Variants in PRKACB observed in about 807,000 individuals in gnomAD.
PRKACB encodes cAMP-dependent protein kinase catalytic subunit beta.
In PRKACB, 16 loss-of-function variants were observed where a neutral mutation model predicts 51.4. The ratio of observed to expected loss-of-function variants is 0.31; its 90% CI spans 0.21 to 0.47. PRKACB has a LOEUF of 0.47. Among genes scored for constraint, PRKACB ranks in the 20% least tolerant of loss-of-function variants. The probability of loss-of-function intolerance (pLI) is 1.00; values close to 1 mark genes in which losing one functional copy is unlikely to be tolerated. For synonymous variants in PRKACB, 147 were observed against 154.4 expected (o/e 0.95, Z 0.35); for missense variants, 309 against 464.5 (o/e 0.67, Z 3.08).
intron 5 of PRKACB, among the ~76,000 whole-genome samples, chr1:84,192,248 A>G (rs1667017554): frequency 6.6e-6 from 1 of 152,162 alleles, no homozygotes; most frequent in African/African-American, 2.4e-5. Flanking sequence ...TCAGTTAGCA[A>G]TATACTGGAA....
At chr1:84,078,560 A>G (rs886212144) in intron 1 of PRKACB, among the ~76,000 whole-genome samples, 1 of 152,096 alleles carries the variant, frequency 6.6e-6, no homozygotes, top group African/African-American at 2.4e-5. Flanking sequence ...CCGCGTTGAG[A>G]GCTGAACGCG....
intron 9 of PRKACB, among the ~76,000 whole-genome samples, chr1:84,227,222 A>G (rs1674762244): frequency 6.6e-6 from 1 of 152,064 alleles, no homozygotes; most frequent in Admixed American, 6.5e-5. Flanking sequence ...GAGTCATCTT[A>G]TATCTATTCC....
At chr1:84,100,328 TCAAGA>T (rs1649254033) in intron 1 of PRKACB, among the ~76,000 whole-genome samples, 2 of 152,032 alleles carry the variant, frequency 1.3e-5, no homozygotes, top group African/African-American at 4.8e-5. Flanking sequence ...GCAATACAAT[TCAAGA>T]CAAGATTTGA....
At chr1:84,086,335 C>T in intron 1 of PRKACB, 1 of 732,626 alleles carries the variant, frequency 1.4e-6, no homozygotes, top group Non-Finnish European at 2.3e-6. Context: ...GCCCAGGCTC[C>T]AGCCATGAGT....
intron 1 of PRKACB, among the ~76,000 whole-genome samples, chr1:84,168,487 G>T (rs1352375016): frequency 6.6e-6 from 1 of 151,430 alleles, no homozygotes; most frequent in Non-Finnish European, 1.5e-5. Context: ...GAAGAAGAAG[G>T]CATGAATCTG....
intron 1 of PRKACB, among the ~76,000 whole-genome samples, chr1:84,091,785 G>A (rs764623319): frequency 2.0e-5 from 3 of 152,102 alleles, no homozygotes; most frequent in Admixed American, 6.5e-5. Context: ...GATTACAGGC[G>A]TAAGCCACCA....
chr1:84,161,806 T>G (rs544557694), intron 1 of PRKACB, among the ~76,000 whole-genome samples: 6 of 152,004 alleles, frequency 3.9e-5, no homozygotes, highest in Non-Finnish European at 8.8e-5. Context: ...CAACATAATG[T>G]TGTAATTATT....
At chr1:84,200,666 T>C (rs1260455269) in intron 7 of PRKACB, among the ~76,000 whole-genome samples, 1 of 152,142 alleles carries the variant, frequency 6.6e-6, no homozygotes, top group African/African-American at 2.4e-5. Flanking sequence ...TTGTATATGG[T>C]ATAAGGAAGG....
intron 1 of PRKACB, among the ~76,000 whole-genome samples, chr1:84,167,490 A>G (rs1412183832): frequency 6.6e-6 from 1 of 151,568 alleles, no homozygotes; most frequent in African/African-American, 2.4e-5. Context: ...GACCCTGTGG[A>G]ATTAGGTGAT....
At chr1:84,121,045 ATG>A (rs1199620242) in intron 1 of PRKACB, among the ~76,000 whole-genome samples, 1 of 152,050 alleles carries the variant, frequency 6.6e-6, no homozygotes. Flanking sequence ...CACGAGTTTT[ATG>A]TATCTTTGTT....
intron 1 of PRKACB, among the ~76,000 whole-genome samples, chr1:84,163,228 C>T (rs1242424772): frequency 6.6e-6 from 1 of 151,984 alleles, no homozygotes; most frequent in African/African-American, 2.4e-5. Flanking sequence ...TAACTTTCCA[C>T]TGGGCCCTCT....
intron 1 of PRKACB, among the ~76,000 whole-genome samples, chr1:84,079,180 T>A (rs1647329981): frequency 1.3e-5 from 2 of 152,204 alleles, no homozygotes; most frequent in African/African-American, 4.8e-5. Flanking sequence ...TGTGCATGTA[T>A]ACACATGCAT....
At chr1:84,134,115 G>A (rs1018275113) in intron 1 of PRKACB, among the ~76,000 whole-genome samples, 2 of 152,156 alleles carry the variant, frequency 1.3e-5, no homozygotes, top group Non-Finnish European at 2.9e-5. Flanking sequence ...CCACTGTCAA[G>A]CCATTCCTCT....
intron 1 of PRKACB, among the ~76,000 whole-genome samples, chr1:84,152,029 T>C (rs1236942533): frequency 6.6e-6 from 1 of 152,224 alleles, no homozygotes; most frequent in Non-Finnish European, 1.5e-5. Context: ...CCTTTAGCCT[T>C]ATAAAATATA....
chr1:84,120,634 A>C (rs997160113), intron 1 of PRKACB, among the ~76,000 whole-genome samples: 1 of 152,144 alleles, frequency 6.6e-6, no homozygotes. Context: ...TTTTCACTTC[A>C]TATGTTTACA....
At chr1:84,109,597 G>A (rs1650052784) in intron 1 of PRKACB, among the ~76,000 whole-genome samples, 1 of 151,844 alleles carries the variant, frequency 6.6e-6, no homozygotes, top group Non-Finnish European at 1.5e-5. Context: ...TCTTGTGATA[G>A]ATGTTCCCAT....
At chr1:84,229,561 G>C (rs1256927254) in intron 9 of PRKACB, among the ~76,000 whole-genome samples, 1 of 149,296 alleles carries the variant, frequency 6.7e-6, no homozygotes, top group African/African-American at 2.5e-5. Flanking sequence ...GTGTAAAAGT[G>C]TTCCTATTTC....
chr1:84,099,798 G>C (rs1649194073), intron 1 of PRKACB, among the ~76,000 whole-genome samples: 1 of 151,900 alleles, frequency 6.6e-6, no homozygotes, highest in Admixed American at 6.6e-5. Flanking sequence ...GTGAGGTTTA[G>C]AAATCCTATG....
intron 1 of PRKACB, among the ~76,000 whole-genome samples, chr1:84,088,453 C>A (rs1173365865): frequency 1.3e-5 from 2 of 152,120 alleles, no homozygotes; most frequent in Non-Finnish European, 2.9e-5. Flanking sequence ...ATACTGTATT[C>A]TTCTTAAGTA....
Sources: allele counts gnomAD v4.1 joint callset (sites outside exome capture counted in the v4.1 genomes callset), GRCh38; gene constraint gnomAD v4.1.1; transcripts MANE v1.5; gene names NCBI Gene and HGNC (gene_info 2026-07-23, HGNC 2026-07-21).